WDR26: variants seen among roughly 807,000 people sequenced by gnomAD.
The protein encoded by WDR26 is WD repeat domain 26, also known as WD repeat-containing protein 26.
In WDR26, 5 loss-of-function variants were observed where a neutral mutation model predicts 84.1. The ratio of observed to expected loss-of-function variants is 0.06; its 90% confidence interval spans 0.03 to 0.13. The LOEUF (loss-of-function observed/expected upper bound fraction) is 0.13, where lower values mean the gene tolerates loss of function less well. Among genes scored for constraint, WDR26 ranks in the 10% least tolerant of loss-of-function variants. WDR26 has a pLI of 1.00. For synonymous variants in WDR26, 415 were observed against 389.6 expected (o/e 1.07, Z -0.77); for missense variants, 642 against 974.9 (o/e 0.66, Z 4.55).
At chr1:224,398,725 T>C in intron 10 of WDR26, 132 bp from the exon 11 acceptor site, 1 of 1,183,228 alleles carries the variant, frequency 8.5e-7, no homozygotes, top group South Asian at 1.5e-5. Flanking sequence ...ATACTTCAAT[T>C]GAGAAGAATC....
At chr1:224,425,490 C>A (rs1674183631) in intron 3 of WDR26, among the ~76,000 whole-genome samples, 1 of 152,216 alleles carries the variant, frequency 6.6e-6, no homozygotes, top group Non-Finnish European at 1.5e-5. Flanking sequence ...GAGACACTTT[C>A]ACATTTAGTT....
rs376377143 is a variant in WDR26, at chr1:224,433,880, C to T, written c.526G>A (p.Val176Ile). 1.6e-4 allele frequency: 245 copies of T among 1,537,018 alleles called. 1 individual carries two copies. The highest frequency in any genetic ancestry group is 1.3e-3 in the South Asian group (110 of 84,062). The change falls in exon 1 of 14, where the codon GTC becomes ATC. Residue 176 changes from valine (V) to isoleucine (I), a missense_variant. Physicochemically the swap from Val to Ile is conservative, Grantham distance 29. This residue lies in a region of WDR26 where 291 missense variants were observed against 302.1 expected (regional missense o/e 0.96). Transcript: ENST00000414423. Reference sequence around the variant, plus strand: ...GCCCCGCCGGGAACCCCGTTATTGACATTCAGGCTGTTGCTATTGTTGCTG... The same window carrying T: ...GCCCCGCCGGGAACCCCGTTATTGATATTCAGGCTGTTGCTATTGTTGCTG...
At chr1:224,406,155 G>A (rs1019424336) in intron 7 of WDR26, among the ~76,000 whole-genome samples, 2 of 152,222 alleles carry the variant, frequency 1.3e-5, no homozygotes, top group South Asian at 2.1e-4. Context: ...GTTCAAGACC[G>A]ACCTGGACAA....
At chr1:224,419,170 CCT>C (rs1673987242) in intron 5 of WDR26, among the ~76,000 whole-genome samples, 1 of 152,272 alleles carries the variant, frequency 6.6e-6, no homozygotes, top group East Asian at 1.9e-4. Flanking sequence ...GAAACCTGGA[CCT>C]TACTATTGAA....
intron 7 of WDR26, among the ~76,000 whole-genome samples, chr1:224,410,694 CTTTTTTTTT>C (rs397983007): frequency 3.4e-5 from 4 of 118,954 alleles, no homozygotes; most frequent in African/African-American, 9.9e-5. Flanking sequence ...ATCTTTCTTT[CTTTTTTTTT>C]TTTTTTTTTT....
intron 8 of WDR26, among the ~76,000 whole-genome samples, chr1:224,401,702 G>GAAAAAAAAAAGAAAAAAGAAAA (rs5781368): frequency 1.0e-5 from 1 of 97,768 alleles, no homozygotes; most frequent in African/African-American, 4.0e-5. Flanking sequence ...AAAAAAAAAA[G>GAAAAAAAAAAGAAAAAAGAAAA]AAAAAAGAAA....
At chr1:224,392,445 T>C (rs567723992) in intron 13 of WDR26, among the ~76,000 whole-genome samples, 18 of 152,144 alleles carry the variant, frequency 1.2e-4, no homozygotes, top group Non-Finnish European at 2.4e-4. Context: ...AAACCAAGTA[T>C]GTTTATTTGA....
At chr1:224,389,906 G>GGGA in intron 13 of WDR26, 46 bp from the exon 14 acceptor site, 2 of 470,796 alleles carry the variant, frequency 4.2e-6, no homozygotes, top group Non-Finnish European at 7.9e-6. Context: ...GCGGGGGAGG[G>GGGA]AAGAGGGGAA....
In WDR26 at chr1:224,392,367, A is replaced by G. The variant is rs1673152926; in HGVS notation, c.2260+1461T>C. On this transcript the variant is annotated intron_variant, in intron 13 of 13. Transcript: ENST00000414423. ...TGAGACTCCGTCTCAAAAAAAAAAAAGAAAAGAAAACATATCCTCTTCTGG... is the reference window on the plus strand; with the variant it reads ...TGAGACTCCGTCTCAAAAAAAAAAAGGAAAAGAAAACATATCCTCTTCTGG... Among the ~76,000 whole-genome samples the G allele has an allele frequency of 2.0e-5, 3 of 152,172 alleles. No homozygotes were observed. In the South Asian group the frequency reaches 6.2e-4, roughly 32 times the overall value.
chr1:224,432,779 C>A (rs911812897), intron 1 of WDR26, among the ~76,000 whole-genome samples: 2 of 152,162 alleles, frequency 1.3e-5, no homozygotes, highest in Non-Finnish European at 1.5e-5. Context: ...CGTCCTCCCC[C>A]CTTCATTTCA....
chr1:224,434,133 G>A lies in WDR26; in HGVS notation c.273C>T (p.Ser91=). Reference sequence around the variant, plus strand: ...TGCTGCCGCTGACCAGGCTGTGGCCGCTACTTCGGTGGGGGACAGCAGCGG... The same window carrying A: ...TGCTGCCGCTGACCAGGCTGTGGCCACTACTTCGGTGGGGGACAGCAGCGG... Residue 91 remains serine (S), a synonymous_variant, in exon 1 of 14, where the codon AGC becomes AGT. Coordinates refer to ENST00000414423, the MANE Select transcript of WDR26 (RefSeq NM_001379403.1). The A allele has an allele frequency of 7.0e-7, 1 of 1,421,864 alleles. No individual in the cohort carries two copies. The highest frequency in any genetic ancestry group is 9.2e-7 in the Non-Finnish European group (1 of 1,091,568). 88.1% of individuals were successfully genotyped at this position (1,421,864 alleles called of 1,614,324 possible).
intron 6 of WDR26, among the ~76,000 whole-genome samples, chr1:224,416,087 G>T (rs1203802795): frequency 6.6e-6 from 1 of 152,164 alleles, no homozygotes; most frequent in Non-Finnish European, 1.5e-5. Context: ...TAAAGTGGAG[G>T]GGGAGAGAGA....
At chr1:224,415,200 T>C (rs1673858373) in intron 6 of WDR26, among the ~76,000 whole-genome samples, 1 of 152,146 alleles carries the variant, frequency 6.6e-6, no homozygotes, top group East Asian at 1.9e-4. Flanking sequence ...TTGGGAAAAC[T>C]GGGTAGATGG....
intron 8 of WDR26, among the ~76,000 whole-genome samples, chr1:224,403,541 A>G (rs539514260): frequency 1.0e-3 from 158 of 152,348 alleles, no homozygotes; most frequent in Non-Finnish European, 1.8e-3. Context: ...TCTTACTATT[A>G]TAACTACAGG....
rs1471271306 is a variant in WDR26, at chr1:224,398,176, T to C, written c.1995A>G (p.Gln665=). 6.2e-7 allele frequency: 1 copy of C among 1,613,776 alleles called. No homozygotes were observed. Among genetic ancestry groups the C allele is most frequent in the Non-Finnish European group, 8.5e-7 (1 of 1,179,906 alleles). Residue 665 remains glutamine, a synonymous_variant, in exon 12 of 14, where the codon CAA becomes CAG. Coordinates refer to ENST00000414423, the MANE Select transcript of WDR26 (RefSeq NM_001379403.1). ...TTGTATAAAACCCTTGTGTAACACC[T>C]TGATACTTTCTTACTAAAACTCTGT...
rs527337880 is a variant in WDR26, at chr1:224,402,913, T to C, written c.1599+1517A>G. ...ATGAGTACTAGATATTAGAGAATTA[T>C]AGTTAATGTTCTTAGATATCATAAT... On this transcript the variant is annotated intron_variant, in intron 8 of 13. Coordinates refer to ENST00000414423, the MANE Select transcript of WDR26 (RefSeq NM_001379403.1). Among the ~76,000 whole-genome samples, 11 of 152,308 alleles carry C rather than the reference T, an allele frequency of 7.2e-5. No individual in the cohort carries two copies. The South Asian group carries it at 1.9e-3, about 26-fold the overall frequency.
At chr1:224,429,395 A>G (rs1263036346) in intron 3 of WDR26, 7 of 152,204 alleles carry the variant, frequency 4.6e-5, no homozygotes, top group Admixed American at 3.9e-4. Flanking sequence ...AAGCCATCAA[A>G]TGTGTCTGGG....
intron 6 of WDR26, among the ~76,000 whole-genome samples, chr1:224,416,540 A>G (rs2102911155): frequency 6.6e-6 from 1 of 152,304 alleles, no homozygotes; most frequent in South Asian, 2.1e-4. Flanking sequence ...CTGCTTTTCT[A>G]CACAGGCTTA....
At chr1:224,420,543 A>G (rs1185242607) in intron 4 of WDR26, among the ~76,000 whole-genome samples, 1 of 152,170 alleles carries the variant, frequency 6.6e-6, no homozygotes, top group Non-Finnish European at 1.5e-5. Flanking sequence ...ACGACCTGCT[A>G]TACCTCTCAG....
Sources: allele counts gnomAD v4.1 joint callset (sites outside exome capture counted in the v4.1 genomes callset), GRCh38; gene constraint gnomAD v4.1.1; regional missense constraint gnomAD v4.1.1; transcripts MANE v1.5; gene names NCBI Gene and HGNC (gene_info 2026-07-23, HGNC 2026-07-21).